CYP3A7: variants seen among roughly 807,000 people sequenced by gnomAD.
The protein encoded by CYP3A7 is cytochrome P450 3A7.
A neutral mutation model predicts 55.2 loss-of-function variants in CYP3A7; 45 were observed. The observed-to-expected ratio is 0.82, with a 90% confidence interval of 0.64 to 1.05. CYP3A7 has a LOEUF of 1.05. Ranked by LOEUF, CYP3A7 falls within the 50% of genes least tolerant of loss-of-function variation. The probability of loss-of-function intolerance (pLI) is 0.00; values close to 1 mark genes in which losing one functional copy is unlikely to be tolerated. For synonymous variants in CYP3A7, 180 were observed against 207.4 expected, an observed-to-expected ratio of 0.87 and a Z score of 1.13; for missense variants, 548 against 605.3, an observed-to-expected ratio of 0.91 and a Z score of 0.99.
intron 2 of CYP3A7, among the ~76,000 whole-genome samples, chr7:99,729,225 A>G (rs1158673514): frequency 6.6e-6 from 1 of 152,158 alleles, no homozygotes; most frequent in African/African-American, 2.4e-5. Context: ...TTAATATAAA[A>G]ACACATTCAG....
rs1299633002 is a variant in CYP3A7, at chr7:99,717,648, C to G, written c.319-9G>C. 6.8e-6 allele frequency: 11 copies of G among 1,613,046 alleles called. No individual in the cohort carries two copies. Among genetic ancestry groups the G allele is most frequent in the Non-Finnish European group, 9.3e-6 (11 of 1,179,550 alleles). ...CCCACTGGCCCGAAAGGCTAGAGTTCAAAGCAGAAAGATTTTGTCCTACAT... is the reference window on the plus strand; with the variant it reads ...CCCACTGGCCCGAAAGGCTAGAGTTGAAAGCAGAAAGATTTTGTCCTACAT... On this transcript the variant is annotated splice_polypyrimidine_tract_variant and intron_variant, in intron 4 of 12. Transcript: ENST00000336374.
chr7:99,709,378 G>C, intron 10 of CYP3A7, 117 bp from the exon 11 acceptor site: 1 of 1,444,252 alleles, frequency 6.9e-7, no homozygotes. Context: ...ACTGGCAAAG[G>C]ATTGTAGCAT....
Position 99,705,391 on chromosome 7 carries a change from T to C in CYP3A7, c.*109A>G. 8.1e-7 allele frequency: 1 copy of C among 1,234,740 alleles called. No individual in the cohort carries two copies. The highest frequency in any genetic ancestry group is 1.2e-5 in the South Asian group (1 of 82,194). The allele number at this position is 1,234,740 out of a possible 1,614,324, so 76.5% of individuals were successfully genotyped here. On this transcript the variant is annotated 3_prime_UTR_variant, in exon 13 of 13. Transcript: ENST00000336374. ...ATCCCTGATTATTTATGCAGCACAT[T>C]GGATGAAGCCCGTCTTCATTTCAGG... is the stretch of plus-strand genomic sequence containing the variant.
At chr7:99,719,992 G>T (rs1814126184) in intron 4 of CYP3A7, among the ~76,000 whole-genome samples, 1 of 147,148 alleles carries the variant, frequency 6.8e-6, no homozygotes. Context: ...GTGTGACTCA[G>T]TCCGAAAAAC....
intron 11 of CYP3A7, 72 bp downstream of exon 11, chr7:99,708,963 G>A (rs1813636282): frequency 2.0e-6 from 3 of 1,526,640 alleles, no homozygotes; most frequent in Non-Finnish European, 1.8e-6. Context: ...AGCCCAGACT[G>A]TCCTGTAGAG....
At position 99,724,907 on chromosome 7, in the gene CYP3A7, T is replaced by C. The variant is rs537199445; in HGVS notation, c.166-2559A>G. Reference sequence around the variant, plus strand: ...GAGTGACTGAAATGTCATCCTGACCTCCCCCCTCTCCCCAGATGAGCAGGA... The same window carrying C: ...GAGTGACTGAAATGTCATCCTGACCCCCCCCCTCTCCCCAGATGAGCAGGA... On this transcript the variant is annotated intron_variant, in intron 2 of 12. Coordinates refer to ENST00000336374, the MANE Select transcript of CYP3A7 (RefSeq NM_000765.5). 1.5e-3 allele frequency among the ~76,000 whole-genome samples: 232 copies of C among 151,994 alleles called. 1 individual carries two copies. Among genetic ancestry groups the C allele is most frequent in the Non-Finnish European group, 2.4e-3 (161 of 67,958 alleles).
intron 7 of CYP3A7, chr7:99,715,297 T>C: frequency 5.3e-6 from 1 of 187,328 alleles, no homozygotes. Context: ...TTGTAATGTC[T>C]AAATTTAGAG....
intron 10 of CYP3A7, 35 bp from the exon 11 acceptor site, chr7:99,709,296 A>AT (rs780133169): frequency 1.9e-6 from 3 of 1,603,828 alleles, no homozygotes; most frequent in Non-Finnish European, 2.6e-6. Flanking sequence ...ATAAATTGAG[A>AT]TTTTTGAATT....
At chr7:99,711,031 G>A in intron 9 of CYP3A7, 139 bp from the exon 10 acceptor site, 2 of 1,406,754 alleles carry the variant, frequency 1.4e-6, no homozygotes, top group African/African-American at 1.4e-5. Flanking sequence ...ACTGGGGGTG[G>A]TTTCACTCTG....
chr7:99,720,846 T>C (rs1267711446), intron 3 of CYP3A7: 1 of 184,296 alleles, frequency 5.4e-6, no homozygotes, highest in African/African-American at 2.4e-5. Context: ...AAGGACTAAA[T>C]GTTTCAAGGG....
At chr7:99,734,440 A>G (rs937388238) in intron 1 of CYP3A7, among the ~76,000 whole-genome samples, 1 of 152,082 alleles carries the variant, frequency 6.6e-6, no homozygotes, top group East Asian at 1.9e-4. Flanking sequence ...GGTACAAACC[A>G]TTGTCTATTA....
chr7:99,731,041 A>G lies in CYP3A7; in HGVS notation c.165+18T>C. ...TTGCAATCATAAGAAGCAAAAGAGG[A>G]AGCTCAAAAACACTCACCTTACGGA... On this transcript the variant is annotated intron_variant, in intron 2 of 12. Coordinates refer to ENST00000336374, the MANE Select transcript of CYP3A7 (RefSeq NM_000765.5). 6.2e-7 allele frequency: 1 copy of G among 1,613,572 alleles called. No homozygotes were observed. The highest frequency in any genetic ancestry group is 8.5e-7 in the Non-Finnish European group (1 of 1,179,576).
chr7:99,706,494 T>C (rs188848441), intron 12 of CYP3A7, among the ~76,000 whole-genome samples: 1 of 152,376 alleles, frequency 6.6e-6, no homozygotes, highest in Non-Finnish European at 1.5e-5. Context: ...TCCTCTTCTA[T>C]GTAGAAAGCC....
intron 3 of CYP3A7, among the ~76,000 whole-genome samples, chr7:99,721,759 C>G (rs149738077): frequency 1.6e-3 from 233 of 148,674 alleles, no homozygotes; most frequent in African/African-American, 5.5e-3. Context: ...GTGTGTGTGT[C>G]AGTGTGTCTG....
chr7:99,711,091 TC>T (rs1388505865), intron 9 of CYP3A7, among the ~76,000 whole-genome samples, 199 bp from the exon 10 acceptor site: 2 of 152,012 alleles, frequency 1.3e-5, no homozygotes, highest in Admixed American at 6.6e-5. Context: ...AATCCAGTTT[TC>T]CCCCAATGTC....
intron 3 of CYP3A7, 24 bp from the exon 4 acceptor site, chr7:99,720,436 T>G: frequency 6.2e-7 from 1 of 1,612,812 alleles, no homozygotes; most frequent in Non-Finnish European, 8.5e-7. Flanking sequence ...ACAGAGTTGA[T>G]TAAACATCAA....
At chr7:99,705,628 T>C in intron 12 of CYP3A7, 33 bp from the exon 13 acceptor site, 1 of 1,609,882 alleles carries the variant, frequency 6.2e-7, no homozygotes, top group Non-Finnish European at 8.5e-7. Flanking sequence ...TTGAGAAGCA[T>C]TAAATAAAGC....
intron 2 of CYP3A7, among the ~76,000 whole-genome samples, chr7:99,723,528 C>T (rs1814289299): frequency 6.6e-6 from 1 of 152,140 alleles, no homozygotes; most frequent in African/African-American, 2.4e-5. Flanking sequence ...AGCTTTATTG[C>T]TCACACAAAG....
At chr7:99,714,812 T>C in intron 7 of CYP3A7, 130 bp from the exon 8 acceptor site, 3 of 1,471,058 alleles carry the variant, frequency 2.0e-6, no homozygotes, top group South Asian at 1.3e-5. Flanking sequence ...AAGCCATTCC[T>C]TCTATGACTT....
Sources: gnomAD v4.1 joint callset for allele counts (sites outside exome capture counted in the v4.1 genomes callset) on GRCh38, gnomAD v4.1.1 for gene constraint, MANE v1.5 for transcripts, NCBI Gene and HGNC (gene_info 2026-07-23, HGNC 2026-07-21) for gene names.